The following RTP2 variants were observed in gnomAD, a reference collection of about 807,000 sequenced individuals.
RTP2 encodes the protein receptor-transporting protein 2.
In RTP2, 12 loss-of-function variants were observed where a neutral mutation model predicts 17.9. The observed-to-expected ratio is 0.67, with a 90% CI of 0.43 to 1.09. The LOEUF (loss-of-function observed/expected upper bound fraction) is 1.09, where lower values mean the gene tolerates loss of function less well. Among genes scored for constraint, RTP2 ranks in the 50% least tolerant of loss-of-function variants. The probability of loss-of-function intolerance (pLI) is 0.00; values close to 1 mark genes in which losing one functional copy is unlikely to be tolerated. For synonymous variants in RTP2, 126 were observed against 117.7 expected (o/e 1.07, Z -0.46); for missense variants, 327 against 295.7 (o/e 1.11, Z -0.78).
upstream of RTP2, among the ~76,000 whole-genome samples, chr3:187,702,929 A>G (rs1221533567): frequency 6.6e-6 from 1 of 152,076 alleles, no homozygotes; most frequent in Non-Finnish European, 1.5e-5. Context: ...GCGTCATAGA[A>G]CTGTTAGAGC....
At chr3:187,709,033 A>T in the RTP2 span, among the ~76,000 whole-genome samples, 1 of 147,938 alleles carries the variant, frequency 6.8e-6, no homozygotes, top group African/African-American at 2.5e-5. Flanking sequence ...TAATAATCTC[A>T]TTGTAAAATT....
upstream of RTP2, among the ~76,000 whole-genome samples, chr3:187,706,385 C>T (rs560220283): frequency 1.6e-4 from 24 of 152,008 alleles, no homozygotes; most frequent in Non-Finnish European, 3.1e-4. Context: ...TTGCAAAGTC[C>T]CAAGGTAAAT....
At chr3:187,708,204 G>A in the RTP2 span, among the ~76,000 whole-genome samples, 1 of 152,044 alleles carries the variant, frequency 6.6e-6, no homozygotes, top group African/African-American at 2.4e-5. Context: ...GACACCCACG[G>A]GCTATATCTA....
chr3:187,701,530 G>A (rs1717846888), intron 1 of RTP2, among the ~76,000 whole-genome samples: 1 of 152,150 alleles, frequency 6.6e-6, no homozygotes, highest in South Asian at 2.1e-4. Flanking sequence ...GTCAATAAAT[G>A]TTTATGTATT....
At chr3:187,715,582 C>A in the RTP2 span, 1 of 453,026 alleles carries the variant, frequency 2.2e-6, no homozygotes, top group Admixed American at 2.4e-5. Flanking sequence ...TATAGAATTT[C>A]TTTGCTTAAT....
chr3:187,698,602 A>C (rs982366207), exon 2 of RTP2: 1 of 1,614,258 alleles, frequency 6.2e-7, no homozygotes, highest in African/African-American at 1.3e-5. Context: ...TTGTAGCCGG[A>C]TCCCGCCTGG....
chr3:187,701,879 G>A lies in RTP2; in HGVS notation c.164+86C>T, dbSNP rs76860254. 18 of 841,172 alleles carry A rather than the reference G, an allele frequency of 2.1e-5. 1 individual carries two copies. Among genetic ancestry groups the A allele is most frequent in the East Asian group, 1.8e-4 (5 of 27,122 alleles). The allele number at this position is 841,172 out of a possible 1,614,324, so 52.1% of individuals were successfully genotyped here. On this transcript the variant is annotated intron_variant, in intron 1 of 1. Coordinates refer to ENST00000358241, the Ensembl canonical transcript of RTP2. ...TGAGCTGACACCAGAATAAGCCCGC[G>A]ACTGGGCTCTGTCTCTCCTTGGAAA...
At chr3:187,709,906 TG>T in the RTP2 span, among the ~76,000 whole-genome samples, 1 of 152,062 alleles carries the variant, frequency 6.6e-6, no homozygotes, top group South Asian at 2.1e-4. Flanking sequence ...GGACATGCAT[TG>T]GCAACACATG....
At chr3:187,710,553 ATG>A in the RTP2 span, among the ~76,000 whole-genome samples, 12 of 148,724 alleles carry the variant, frequency 8.1e-5, no homozygotes, top group African/African-American at 3.1e-4. Context: ...ATATATATAT[ATG>A]TGTGTGTATA....
the RTP2 span, among the ~76,000 whole-genome samples, chr3:187,707,569 A>G: frequency 3.9e-5 from 6 of 152,358 alleles, no homozygotes; most frequent in Non-Finnish European, 8.8e-5. Flanking sequence ...ACTCCATATC[A>G]TTTAGGACAT....
the RTP2 span, among the ~76,000 whole-genome samples, chr3:187,711,088 T>A: frequency 5.6e-4 from 86 of 152,340 alleles, no homozygotes; most frequent in African/African-American, 1.8e-3. Flanking sequence ...TTTCTATGCA[T>A]CTCTGTCTTG....
chr3:187,701,898 T>C (rs1717858324), intron 1 of RTP2, 67 bp downstream of exon 1: 1 of 1,438,730 alleles, frequency 7.0e-7, no homozygotes, highest in Non-Finnish European at 9.3e-7. Flanking sequence ...CTGTCTCTCC[T>C]TGGAAAGTAC....
intron 1 of RTP2, among the ~76,000 whole-genome samples, chr3:187,699,306 AG>A (rs1378897194): frequency 1.3e-5 from 2 of 152,118 alleles, no homozygotes; most frequent in Non-Finnish European, 2.9e-5. Context: ...GATGCACTCA[AG>A]GTTGCACCTG....
At chr3:187,698,954 G>A in exon 2 of RTP2, 2 of 1,606,776 alleles carry the variant, frequency 1.2e-6, no homozygotes, top group Middle Eastern at 1.7e-4. Flanking sequence ...GGAACATGTG[G>A]AAGAGGATGA....
At chr3:187,699,304 C>G (rs1397235318) in intron 1 of RTP2, among the ~76,000 whole-genome samples, 2 of 152,182 alleles carry the variant, frequency 1.3e-5, no homozygotes, top group Admixed American at 6.5e-5. Context: ...CCGATGCACT[C>G]AAGGTTGCAC....
At chr3:187,712,294 T>C in the RTP2 span, among the ~76,000 whole-genome samples, 1 of 152,196 alleles carries the variant, frequency 6.6e-6, no homozygotes, top group Non-Finnish European at 1.5e-5. Flanking sequence ...CTCTGCACTA[T>C]TTTTTGTAAC....
the RTP2 span, among the ~76,000 whole-genome samples, chr3:187,708,993 T>C: frequency 0.013 from 1,892 of 147,570 alleles, 31 homozygotes; most frequent in African/African-American, 0.044. Flanking sequence ...CTGTCTTCCC[T>C]GGAGTAGAAC....
chr3:187,715,087 C>T, the RTP2 span, among the ~76,000 whole-genome samples: 1 of 152,190 alleles, frequency 6.6e-6, no homozygotes, highest in Admixed American at 6.5e-5. Context: ...GGCCCCCAGA[C>T]TTCCATGGCC....
the RTP2 span, among the ~76,000 whole-genome samples, chr3:187,709,671 T>G: frequency 2.0e-5 from 3 of 152,238 alleles, no homozygotes; most frequent in African/African-American, 4.8e-5. Flanking sequence ...GGTGACAGTG[T>G]GAGATTCTGT....
Sources: allele counts gnomAD v4.1 joint callset (sites outside exome capture counted in the v4.1 genomes callset), GRCh38; gene constraint gnomAD v4.1.1; transcripts MANE v1.5; gene names NCBI Gene and HGNC (gene_info 2026-07-23, HGNC 2026-07-21).